Variants in TTC12 observed in about 807,000 individuals in gnomAD.
TTC12 encodes the protein tetratricopeptide repeat domain 12, also known as tetratricopeptide repeat protein 12.
In TTC12, 70 loss-of-function variants were observed where a neutral mutation model predicts 90.1. The observed-to-expected ratio is 0.78, with a 90% CI of 0.64 to 0.95. The LOEUF is 0.95. TTC12 is among the 40% of genes least tolerant of loss of function. The pLI is 0.00. For synonymous variants in TTC12, 296 were observed against 311.5 expected (o/e 0.95, Z 0.53); for missense variants, 819 against 846.1 (o/e 0.97, Z 0.40).
At position 113,325,752 on chromosome 11, in the gene TTC12, G is replaced by A. The variant is rs1947648807; in HGVS notation, c.444+107G>A. 9 of 1,443,976 alleles carry A rather than the reference G, an allele frequency of 6.2e-6. 1 individual carries two copies. The Admixed American group carries it at 1.9e-4, about 30-fold the overall frequency. 89.4% of individuals were successfully genotyped at this position (1,443,976 alleles called of 1,614,324 possible). On this transcript the variant is annotated intron_variant, in intron 6 of 21. Coordinates refer to ENST00000529221, the MANE Select transcript of TTC12 (RefSeq NM_017868.4). The stretch of plus-strand genomic sequence containing the variant: ...ATGTTGGGCTGGGAAATGTTTATAA[G>A]AACTGGCTCTTGTTTTAAGTGTGGG...
intron 16 of TTC12, among the ~76,000 whole-genome samples, chr11:113,353,531 T>C (rs1205608064): frequency 6.6e-6 from 1 of 152,210 alleles, no homozygotes; most frequent in African/African-American, 2.4e-5. Context: ...TCATGAAATC[T>C]TTGCTCGTTC....
At position 113,339,335 on chromosome 11, in the gene TTC12, G is replaced by A; in HGVS notation, c.687G>A (p.Lys229=). Residue 229 remains lysine (K), a synonymous_variant, in exon 10 of 22, where the codon AAG becomes AAA. Transcript: ENST00000529221. ...DLQEKADLQE[K]EAHELLDSGK... is the part of the protein sequence containing the mutation. ...AGGAAAAAGCAGACCTTCAAGAAAA[G>A]GAAGCCCACGAACTGCTGGATTCAG... 2.5e-6 allele frequency: 4 copies of A among 1,611,408 alleles called. No homozygotes were observed. Among genetic ancestry groups the A allele is most frequent in the Non-Finnish European group, 3.4e-6 (4 of 1,179,332 alleles).
intron 6 of TTC12, 123 bp from the exon 7 acceptor site, chr11:113,329,797 T>C: frequency 1.2e-6 from 1 of 833,128 alleles, no homozygotes; most frequent in Non-Finnish European, 2.1e-6. Flanking sequence ...GGCAGGACCA[T>C]GACTGATCCA....
In TTC12 at chr11:113,334,981, A is replaced by G. The variant is rs782048390; in HGVS notation, c.520A>G (p.Thr174Ala). ...EWALKCDEKC[T>A]KAYFHMGKAN... ...TTTTATGCAGTGTGATGAAAAATGC[A>G]CAAAAGCATATTTTCACATGGGAAA... Residue 174 changes from threonine (T) to alanine (A), a missense_variant, in exon 8 of 22, where the codon ACA becomes GCA. By Grantham distance (58) the Thr-to-Ala change is moderately conservative (BLOSUM62 0). Coordinates refer to ENST00000529221, the MANE Select transcript of TTC12 (RefSeq NM_017868.4). 1.9e-6 allele frequency: 3 copies of G among 1,613,812 alleles called. No homozygotes were observed. The African/African-American group carries it at 4.0e-5, about 22-fold the overall frequency.
chr11:113,333,709 T>C (rs1357571863), intron 7 of TTC12, among the ~76,000 whole-genome samples: 2 of 152,188 alleles, frequency 1.3e-5, no homozygotes, highest in Non-Finnish European at 2.9e-5. Context: ...GGCTGAACAA[T>C]CATGCACATT....
chr11:113,366,168 T>C (rs1950196996), intron 21 of TTC12, 57 bp from the exon 22 acceptor site: 1 of 1,593,698 alleles, frequency 6.3e-7, no homozygotes, highest in Non-Finnish European at 8.6e-7. Flanking sequence ...GGCTCTGGGC[T>C]CCAGAAGCCT....
chr11:113,354,422 C>T (rs11493880), intron 16 of TTC12, among the ~76,000 whole-genome samples: 50,275 of 152,020 alleles, frequency 0.33, 10,823 homozygotes, highest in Non-Finnish European at 0.48. Context: ...GGTAGTTTGA[C>T]TTTTTCTCTT....
intron 16 of TTC12, among the ~76,000 whole-genome samples, chr11:113,354,630 A>G (rs1385702684): frequency 6.6e-6 from 1 of 152,142 alleles, no homozygotes; most frequent in South Asian, 2.1e-4. Flanking sequence ...TTTGAGGTAT[A>G]TTCCTTTAGT....
chr11:113,328,512 T>C (rs1947830704), intron 6 of TTC12, among the ~76,000 whole-genome samples: 2 of 152,182 alleles, frequency 1.3e-5, no homozygotes, highest in African/African-American at 4.8e-5. Context: ...ATACTAAGGC[T>C]TCATGGTGAT....
intron 7 of TTC12, among the ~76,000 whole-genome samples, chr11:113,330,356 C>T (rs1452942783): frequency 6.6e-6 from 1 of 152,116 alleles, no homozygotes; most frequent in African/African-American, 2.4e-5. Flanking sequence ...TGTGTTTTTT[C>T]CCTCCAGCCC....
downstream of TTC12, chr11:113,368,109 A>T: frequency 8.3e-7 from 1 of 1,203,460 alleles, no homozygotes; most frequent in Non-Finnish European, 1.1e-6. Flanking sequence ...TTGGCTCTTG[A>T]AAATGGCTAT....
chr11:113,321,340 T>C (rs1555138375), intron 2 of TTC12, among the ~76,000 whole-genome samples: 1 of 152,222 alleles, frequency 6.6e-6, no homozygotes, highest in Admixed American at 6.5e-5. Flanking sequence ...ATGTAACATG[T>C]GCACAAGGAA....
intron 7 of TTC12, 74 bp from the exon 8 acceptor site, chr11:113,334,892 G>T (rs1948271672): frequency 1.6e-6 from 2 of 1,242,846 alleles, no homozygotes; most frequent in Non-Finnish European, 2.3e-6. Context: ...AACTCTTTTA[G>T]CTGTATAGTG....
Position 113,352,215 on chromosome 11 carries a change from A to G in TTC12, c.1446+8A>G. On this transcript the variant is annotated splice_region_variant and intron_variant, in intron 16 of 21. Transcript: ENST00000529221. ...GGCTGCTTGAGCCTCCTGGTATGTT[A>G]GCTTTTCTATTCAAAATTGGTCTTT... 1 of 1,614,102 alleles carries G rather than the reference A, an allele frequency of 6.2e-7. No individual in the cohort carries two copies. The highest frequency in any genetic ancestry group is 8.5e-7 in the Non-Finnish European group (1 of 1,179,998).
chr11:113,324,632 A>T lies in TTC12; in HGVS notation c.272A>T (p.Asp91Val), dbSNP rs1947571825. ...SEAFLASVEKDAKERAKRRRE... is the reference protein window; with the variant it reads ...SEAFLASVEKVAKERAKRRRE... ...GCCTTCTTGGCATCTGTGGAGAAGG[A>T]TGCAAAGGAACGAGCCAAGAGAAGA... is the stretch of plus-strand genomic sequence containing the variant. Residue 91 changes from aspartate to valine, a missense_variant, in exon 5 of 22, where the codon GAT becomes GTT. Asp to Val is a radical substitution (Grantham distance 152). Coordinates refer to ENST00000529221, the MANE Select transcript of TTC12 (RefSeq NM_017868.4). 2 of 1,613,930 alleles carry T rather than the reference A, an allele frequency of 1.2e-6. No homozygotes were observed. The highest frequency in any genetic ancestry group is 1.7e-6 in the Non-Finnish European group (2 of 1,179,978).
At chr11:113,317,044 G>A (rs1555135985) in intron 2 of TTC12, among the ~76,000 whole-genome samples, 1 of 152,236 alleles carries the variant, frequency 6.6e-6, no homozygotes, top group Non-Finnish European at 1.5e-5. Context: ...TAGCTTGGGT[G>A]ACATCGTAAA....
chr11:113,359,946 G>C lies in TTC12; in HGVS notation c.1552G>C (p.Ala518Pro). ...CCTCTCCCCATTGTTGTAGGTTTGGGCTGTGGAGGTGAGCAGAAGGTGCCT... is the reference window on the plus strand; with the variant it reads ...CCTCTCCCCATTGTTGTAGGTTTGGCCTGTGGAGGTGAGCAGAAGGTGCCT... ...LQAPFVSEVW[A>P]VEVSRRCLSL... Residue 518 changes from alanine (A) to proline (P), a missense_variant, in exon 18 of 22, where the codon GCT becomes CCT. By Grantham distance (27) the Ala-to-Pro change is conservative (BLOSUM62 -1). Transcript: ENST00000529221. 6.3e-7 allele frequency: 1 copy of C among 1,595,678 alleles called. No homozygotes were observed. The highest frequency in any genetic ancestry group is 1.1e-5 in the South Asian group (1 of 87,106).
chr11:113,329,484 A>G (rs560598282), intron 6 of TTC12, among the ~76,000 whole-genome samples: 18 of 152,344 alleles, frequency 1.2e-4, no homozygotes, highest in African/African-American at 4.1e-4. Context: ...CATTCAGCCA[A>G]TAAAATGAGA....
At chr11:113,323,730 A>G (rs1393124559) in intron 3 of TTC12, among the ~76,000 whole-genome samples, 5 of 152,064 alleles carry the variant, frequency 3.3e-5, no homozygotes, top group African/African-American at 1.2e-4. Flanking sequence ...AATGTATTCT[A>G]ACTCATTTCC....
Sources: gnomAD v4.1 joint callset for allele counts (sites outside exome capture counted in the v4.1 genomes callset) on GRCh38, gnomAD v4.1.1 for gene constraint, MANE v1.5 for transcripts, NCBI Gene and HGNC (gene_info 2026-07-23, HGNC 2026-07-21) for gene names.